Variants in PTPN12 observed in about 807,000 individuals in gnomAD.
PTPN12 encodes tyrosine-protein phosphatase non-receptor type 12.
PTPN12 carries 29 observed loss-of-function variants against 97.6 expected under a neutral mutation model. That is an observed-to-expected ratio of 0.30 (90% CI 0.22 to 0.41). The LOEUF is 0.41. Ranked by LOEUF, PTPN12 falls within the 10% of genes least tolerant of loss-of-function variation. The probability of loss-of-function intolerance (pLI) is 1.00; values close to 1 mark genes in which losing one functional copy is unlikely to be tolerated. For synonymous variants in PTPN12, 327 were observed against 300.4 expected (o/e 1.09, Z -0.91); for missense variants, 819 against 926.0 (o/e 0.88, Z 1.50).
chr7:77,620,978 T>C (rs1198721997), intron 12 of PTPN12, among the ~76,000 whole-genome samples: 1 of 151,020 alleles, frequency 6.6e-6, no homozygotes, highest in African/African-American at 2.4e-5. Flanking sequence ...AAAGTACATG[T>C]TGGCTGGGCA....
At chr7:77,564,215 T>G (rs546091123) in intron 1 of PTPN12, 1 of 158,882 alleles carries the variant, frequency 6.3e-6, no homozygotes, top group Non-Finnish European at 1.4e-5. Flanking sequence ...TTTGTAAAGT[T>G]AGAGATAAAA....
intron 1 of PTPN12, among the ~76,000 whole-genome samples, chr7:77,554,953 A>G (rs1025479210): frequency 4.6e-5 from 7 of 152,114 alleles, no homozygotes; most frequent in Non-Finnish European, 7.4e-5. Flanking sequence ...CTCCCAAAGC[A>G]TTAGGACTAC....
chr7:77,638,184 T>C (rs1216058321), intron 16 of PTPN12, among the ~76,000 whole-genome samples: 2 of 151,672 alleles, frequency 1.3e-5, no homozygotes, highest in East Asian at 3.9e-4. Context: ...GATCTCGATA[T>C]CCTGACCTCA....
chr7:77,599,975 T>G (rs1788141363), intron 7 of PTPN12, among the ~76,000 whole-genome samples: 1 of 152,174 alleles, frequency 6.6e-6, no homozygotes, highest in Admixed American at 6.5e-5. Context: ...AACTGAGAAA[T>G]TTTTAAAAAA....
Position 77,569,067 on chromosome 7 carries a change from G to A in PTPN12, c.100-2011G>A, listed in dbSNP as rs568954819. ...TTCAATTTTTTGAACAGGCAATACA[G>A]TCATACAATCCAAAAGATATGAAAA... On this transcript the variant is annotated intron_variant, in intron 1 of 17. Transcript: ENST00000248594. 1.7e-4 allele frequency among the ~76,000 whole-genome samples: 26 copies of A among 152,206 alleles called. No individual in the cohort carries two copies. The South Asian group carries it at 5.4e-3, about 31-fold the overall frequency.
At chr7:77,629,084 G>T (rs1789305193) in intron 13 of PTPN12, among the ~76,000 whole-genome samples, 1 of 152,030 alleles carries the variant, frequency 6.6e-6, no homozygotes, top group Non-Finnish European at 1.5e-5. Flanking sequence ...CTAGTAGTTG[G>T]GAATACAGGC....
chr7:77,541,548 T>C (rs1451872329), intron 1 of PTPN12, among the ~76,000 whole-genome samples: 1 of 152,212 alleles, frequency 6.6e-6, no homozygotes, highest in Non-Finnish European at 1.5e-5. Context: ...CCAGGAGTAC[T>C]AGGTAGACGT....
At chr7:77,632,208 A>G (rs1789422057) in intron 13 of PTPN12, 140 bp from the exon 14 acceptor site, 1 of 652,178 alleles carries the variant, frequency 1.5e-6, no homozygotes, top group Non-Finnish European at 2.7e-6. Flanking sequence ...TAATGAGTGG[A>G]AAAGGTTTCT....
intron 1 of PTPN12, among the ~76,000 whole-genome samples, chr7:77,558,210 C>CAAAAAAA (rs61149538): frequency 6.4e-5 from 6 of 93,582 alleles, no homozygotes; most frequent in East Asian, 4.1e-4. Context: ...GACTCCATCT[C>CAAAAAAA]AAAAAAAAAA....
At chr7:77,577,533 G>T (rs1338123689) in intron 2 of PTPN12, among the ~76,000 whole-genome samples, 1 of 151,842 alleles carries the variant, frequency 6.6e-6, no homozygotes, top group Non-Finnish European at 1.5e-5. Flanking sequence ...ATATCCTCAA[G>T]ATGTTCCTTA....
At chr7:77,586,246 G>A (rs761375321) in intron 5 of PTPN12, among the ~76,000 whole-genome samples, 11 of 152,144 alleles carry the variant, frequency 7.2e-5, no homozygotes, top group Non-Finnish European at 1.5e-4. Context: ...GAGCCACTGC[G>A]CCTGGCCTTC....
intron 2 of PTPN12, among the ~76,000 whole-genome samples, chr7:77,574,756 G>A (rs548900080): frequency 2.0e-5 from 3 of 152,314 alleles, no homozygotes; most frequent in African/African-American, 7.2e-5. Context: ...CAGATTGACA[G>A]TGCCTTTTTT....
chr7:77,565,978 A>G (rs1259783894), intron 1 of PTPN12, among the ~76,000 whole-genome samples: 3 of 152,238 alleles, frequency 2.0e-5, no homozygotes, highest in African/African-American at 7.2e-5. Context: ...AAGTACTGAA[A>G]TACTTAAGAA....
In PTPN12 at chr7:77,605,409, G is replaced by GGTTTTTTTTTTTT. The variant is rs1554321255; in HGVS notation, c.696-1826_696-1825insGTTTTTTTTTTTT. 6.2e-3 allele frequency among the ~76,000 whole-genome samples: 594 copies of GGTTTTTTTTTTTT among 95,526 alleles called. 145 individuals carry two copies. The highest frequency in any genetic ancestry group is 0.014 in the Middle Eastern group (2 of 140). The allele number at this position is 95,526 out of a possible 152,430, so 62.7% of individuals were successfully genotyped here. The stretch of plus-strand genomic sequence containing the variant: ...TTACTTTAAAATACTTTTGTCATGA[G>GGTTTTTTTTTTTT]TTTTTTTTTTTTTTTTTTTTTTTTT... On this transcript the variant is annotated intron_variant, in intron 8 of 17. Transcript: ENST00000248594.
At chr7:77,554,009 T>G (rs1807591734) in intron 1 of PTPN12, among the ~76,000 whole-genome samples, 1 of 152,192 alleles carries the variant, frequency 6.6e-6, no homozygotes, top group African/African-American at 2.4e-5. Flanking sequence ...CTTAGTTGCT[T>G]AGGCTGGAAT....
intron 16 of PTPN12, among the ~76,000 whole-genome samples, chr7:77,637,528 G>A (rs151299883): frequency 6.6e-6 from 1 of 152,208 alleles, no homozygotes; most frequent in East Asian, 1.9e-4. Flanking sequence ...TAATTAAAGA[G>A]TAAACTACAA....
At chr7:77,581,995 C>G (rs1201245871) in intron 3 of PTPN12, among the ~76,000 whole-genome samples, 3 of 150,890 alleles carry the variant, frequency 2.0e-5, no homozygotes, top group African/African-American at 7.3e-5. Flanking sequence ...GCAGTTGTCA[C>G]TGTTTCAGGT....
At chr7:77,637,879 A>G (rs1789655997) in intron 16 of PTPN12, among the ~76,000 whole-genome samples, 2 of 147,828 alleles carry the variant, frequency 1.4e-5, no homozygotes, top group Non-Finnish European at 3.0e-5. Flanking sequence ...AAAAAAAACA[A>G]GTAGAGTTAT....
At chr7:77,564,757 T>TTTG (rs1808178173) in intron 1 of PTPN12, among the ~76,000 whole-genome samples, 1 of 92,454 alleles carries the variant, frequency 1.1e-5, no homozygotes, top group Non-Finnish European at 2.1e-5. Context: ...TTTTTTTTTT[T>TTTG]TTTTTTTTTT....
Sources: gnomAD v4.1 joint callset for allele counts (sites outside exome capture counted in the v4.1 genomes callset) on GRCh38, gnomAD v4.1.1 for gene constraint, MANE v1.5 for transcripts, NCBI Gene and HGNC (gene_info 2026-07-23, HGNC 2026-07-21) for gene names.